Variants in KIAA1755 observed in about 807,000 individuals in gnomAD.
KIAA1755 encodes the protein uncharacterized protein KIAA1755.
Under a neutral mutation model 91.7 loss-of-function variants are expected in KIAA1755, and 68 were observed. The observed-to-expected ratio is 0.74, with a 90% CI of 0.61 to 0.91. The LOEUF is 0.91. Ranked by LOEUF, KIAA1755 falls within the 40% of genes least tolerant of loss-of-function variation. The probability of loss-of-function intolerance (pLI) is 0.00; values close to 1 mark genes in which losing one functional copy is unlikely to be tolerated. For synonymous variants in KIAA1755, 610 were observed against 604.6 expected (o/e 1.01, Z -0.13); for missense variants, 1,535 against 1,494.4 (o/e 1.03, Z -0.45).
At chr20:38,218,045 C>A (rs2075583498) in intron 12 of KIAA1755, 199 bp downstream of exon 12, 2 of 656,424 alleles carry the variant, frequency 3.0e-6, no homozygotes, top group South Asian at 2.0e-5. Context: ...TCAGAATATT[C>A]TTTGGGCTTG....
At chr20:38,226,017 C>T (rs1480858084) in intron 7 of KIAA1755, among the ~76,000 whole-genome samples, 1 of 152,210 alleles carries the variant, frequency 6.6e-6, no homozygotes, top group Non-Finnish European at 1.5e-5. Flanking sequence ...TGCCACTCTC[C>T]TAGCTTGTGC....
chr20:38,252,914 C>T (rs1297084316), intron 1 of KIAA1755, among the ~76,000 whole-genome samples: 1 of 152,176 alleles, frequency 6.6e-6, no homozygotes, highest in Non-Finnish European at 1.5e-5. Flanking sequence ...CAGGCGGCTG[C>T]AGGAAGGAAC....
At chr20:38,218,658 G>C (rs568378307) in intron 11 of KIAA1755, among the ~76,000 whole-genome samples, 1 of 152,226 alleles carries the variant, frequency 6.6e-6, no homozygotes. Context: ...TGAACTTCAG[G>C]CTACTCTAAC....
At chr20:38,257,320 C>A (rs557954288) in intron 1 of KIAA1755, among the ~76,000 whole-genome samples, 126 of 152,202 alleles carry the variant, frequency 8.3e-4, no homozygotes, top group Admixed American at 2.3e-3. Flanking sequence ...GTGGCTCATG[C>A]CTGTAAACCG....
intron 8 of KIAA1755, among the ~76,000 whole-genome samples, chr20:38,224,511 A>C (rs2075720642): frequency 6.6e-6 from 1 of 152,250 alleles, no homozygotes; most frequent in Admixed American, 6.5e-5. Context: ...CTGTTAGTAT[A>C]GACCGGCGGT....
intron 1 of KIAA1755, among the ~76,000 whole-genome samples, chr20:38,259,823 C>G (rs2076411790): frequency 1.4e-5 from 1 of 70,420 alleles, no homozygotes; most frequent in African/African-American, 8.1e-5. Context: ...ACCACCACCA[C>G]ACACACACAC....
At chr20:38,253,747 AC>A (rs1386650739) in intron 1 of KIAA1755, among the ~76,000 whole-genome samples, 2 of 152,228 alleles carry the variant, frequency 1.3e-5, no homozygotes, top group Non-Finnish European at 2.9e-5. Flanking sequence ...ACATTCCGTA[AC>A]CAGCTTGTAT....
intron 11 of KIAA1755, among the ~76,000 whole-genome samples, chr20:38,218,583 C>T (rs997403926): frequency 3.3e-5 from 5 of 152,206 alleles, no homozygotes; most frequent in African/African-American, 4.8e-5. Context: ...AAGCGGGACC[C>T]TGGAGGGCAT....
At chr20:38,246,182 A>G (rs995969499) in intron 1 of KIAA1755, 56 bp from the exon 2 acceptor site, 69 of 1,447,020 alleles carry the variant, frequency 4.8e-5, no homozygotes, top group Non-Finnish European at 6.3e-5. Flanking sequence ...GGCAGAGACC[A>G]CTTCCCGTGA....
chr20:38,237,332 G>C (rs991059558), intron 4 of KIAA1755, among the ~76,000 whole-genome samples: 4 of 151,912 alleles, frequency 2.6e-5, no homozygotes, highest in Non-Finnish European at 5.9e-5. Flanking sequence ...GACCCCCAGA[G>C]GTCAGTGGTC....
At chr20:38,229,807 G>A (rs2075828361) in intron 5 of KIAA1755, among the ~76,000 whole-genome samples, 1 of 152,124 alleles carries the variant, frequency 6.6e-6, no homozygotes. Context: ...TTTCCCTATG[G>A]TTGCATAGCC....
At chr20:38,242,281 A>G (rs944953564) in intron 2 of KIAA1755, among the ~76,000 whole-genome samples, 2 of 152,158 alleles carry the variant, frequency 1.3e-5, no homozygotes, top group Non-Finnish European at 2.9e-5. Flanking sequence ...TTAGCCCTCC[A>G]TTTTAAAGCC....
rs1394997468 is a variant in KIAA1755 at position 38,211,585 on chromosome 20, G to C, written c.*1457C>G. On this transcript the variant is annotated 3_prime_UTR_variant, in exon 14 of 14. Transcript: ENST00000279024. Reference sequence around the variant, plus strand: ...AACCCCAATGGTACTGGGCCACAGAGGCTGGGCATAGAGAAGTGGAAGTTG... The same window carrying C: ...AACCCCAATGGTACTGGGCCACAGACGCTGGGCATAGAGAAGTGGAAGTTG... 1 of 152,278 alleles carries C rather than the reference G, an allele frequency of 6.6e-6. No homozygotes were observed. Among genetic ancestry groups the C allele is most frequent in the African/African-American group, 2.4e-5 (1 of 41,444 alleles). 9.4% of individuals were successfully genotyped at this position (152,278 alleles called of 1,614,324 possible). A position where few individuals can be genotyped will look rare whatever the true frequency, so the allele number is the denominator to read the frequency against.
chr20:38,217,063 G>A, intron 13 of KIAA1755, 190 bp downstream of exon 13: 1 of 639,386 alleles, frequency 1.6e-6, no homozygotes, highest in Admixed American at 2.3e-5. Context: ...TGTCCCTGCT[G>A]TGCCCCCAGC....
At chr20:38,245,252 C>T (rs962745041) in intron 2 of KIAA1755, among the ~76,000 whole-genome samples, 19 of 152,234 alleles carry the variant, frequency 1.2e-4, no homozygotes, top group Admixed American at 1.0e-3. Flanking sequence ...AATCCTTGAG[C>T]TTCCCTGGGT....
At chr20:38,222,352 G>A (rs1210465788) in intron 10 of KIAA1755, 97 bp downstream of exon 10, 2 of 1,348,560 alleles carry the variant, frequency 1.5e-6, no homozygotes, top group African/African-American at 1.5e-5. Flanking sequence ...CGCCCTCGGG[G>A]CTCAGCTATG....
Position 38,246,072 on chromosome 20 carries a change from G to A in KIAA1755, c.58C>T (p.Pro20Ser), listed in dbSNP as rs1327173786. 2 of 1,613,984 alleles carry A rather than the reference G, an allele frequency of 1.2e-6. No individual in the cohort carries two copies. The highest frequency in any genetic ancestry group is 2.2e-5 in the East Asian group (1 of 44,882). Residue 20 changes from proline (P) to serine (S), a missense_variant, in exon 2 of 14, where the codon CCT becomes TCT. By Grantham distance (74) the Pro-to-Ser change is moderately conservative (BLOSUM62 -1). Transcript: ENST00000279024. Reference sequence around the variant, plus strand: ...ACGGTGGGTGCTGTGGCCTCGAAAGGAGGATAGAGGCCCGCCAGGGCATGC... The same window carrying A: ...ACGGTGGGTGCTGTGGCCTCGAAAGAAGGATAGAGGCCCGCCAGGGCATGC... Reference protein sequence around the residue: ...IQHALAGLYPPFEATAPTVLG... With the variant: ...IQHALAGLYPSFEATAPTVLG...
chr20:38,226,341 T>G (rs2123122016), intron 7 of KIAA1755, among the ~76,000 whole-genome samples: 1 of 152,326 alleles, frequency 6.6e-6, no homozygotes, highest in African/African-American at 2.4e-5. Context: ...TGGTGGATTC[T>G]GTGGTTTTTT....
chr20:38,248,608 T>C (rs2076196018), intron 1 of KIAA1755, among the ~76,000 whole-genome samples: 1 of 152,154 alleles, frequency 6.6e-6, no homozygotes, highest in Non-Finnish European at 1.5e-5. Flanking sequence ...AGGTGCTTCA[T>C]AAATTTTATG....
Sources: allele counts gnomAD v4.1 joint callset (sites outside exome capture counted in the v4.1 genomes callset), GRCh38; gene constraint gnomAD v4.1.1; transcripts MANE v1.5; gene names NCBI Gene and HGNC (gene_info 2026-07-23, HGNC 2026-07-21).